VAT1L: variants seen among roughly 807,000 people sequenced by gnomAD.
The protein encoded by VAT1L is vesicle amine transport 1 like.
In VAT1L, 34 loss-of-function variants were observed where a neutral mutation model predicts 44.1. That is an observed-to-expected ratio of 0.77 (90% CI 0.59 to 1.03). The LOEUF is 1.03. VAT1L is among the 50% of genes least tolerant of loss of function. The probability of loss-of-function intolerance (pLI) is 0.00; values close to 1 mark genes in which losing one functional copy is unlikely to be tolerated. For missense variants in VAT1L, 615 were observed against 538.8 expected, an observed-to-expected ratio of 1.14 and a Z score of -1.40; for synonymous variants, 253 against 202.2, an observed-to-expected ratio of 1.25 and a Z score of -2.13.
At chr16:77,858,285 C>A (rs1476720236) in intron 3 of VAT1L, among the ~76,000 whole-genome samples, 3 of 151,942 alleles carry the variant, frequency 2.0e-5, no homozygotes, top group African/African-American at 7.3e-5. Flanking sequence ...GGGAATAGCC[C>A]TGATTGGAAG....
At chr16:77,811,050 T>C (rs1462075188) in intron 1 of VAT1L, among the ~76,000 whole-genome samples, 2 of 152,144 alleles carry the variant, frequency 1.3e-5, no homozygotes, top group Non-Finnish European at 2.9e-5. Flanking sequence ...AAATATAGGA[T>C]GAGGCTCTAT....
chr16:77,927,199 G>T lies in VAT1L; in HGVS notation c.1077+42397G>T, dbSNP rs57263496. Reference sequence around the variant, plus strand: ...TAAAAATACAAAAAATTAGCCAGGTGTGGTGGCGGGCACCTGTAGTCCCAG... The same window carrying T: ...TAAAAATACAAAAAATTAGCCAGGTTTGGTGGCGGGCACCTGTAGTCCCAG... On this transcript the variant is annotated intron_variant, in intron 7 of 8. Transcript: ENST00000302536. Among the ~76,000 whole-genome samples the T allele has an allele frequency of 5.2e-3, 798 of 152,052 alleles. 6 individuals carry two copies. Among genetic ancestry groups the T allele is most frequent in the African/African-American group, 0.018 (766 of 41,418 alleles).
intron 4 of VAT1L, among the ~76,000 whole-genome samples, chr16:77,873,581 G>A (rs2017055270): frequency 1.3e-5 from 2 of 152,160 alleles, no homozygotes; most frequent in Non-Finnish European, 1.5e-5. Flanking sequence ...ATCATAAGCA[G>A]CACAAACATG....
At chr16:77,792,483 G>C (rs1353339410) in intron 1 of VAT1L, among the ~76,000 whole-genome samples, 1 of 152,126 alleles carries the variant, frequency 6.6e-6, no homozygotes, top group Non-Finnish European at 1.5e-5. Flanking sequence ...AAGGAGTTAA[G>C]CAAAGATGTG....
intron 7 of VAT1L, among the ~76,000 whole-genome samples, chr16:77,963,423 A>G (rs2018185722): frequency 6.6e-6 from 1 of 152,118 alleles, no homozygotes; most frequent in South Asian, 2.1e-4. Flanking sequence ...TCAAGGAAAC[A>G]AATTCCTCCC....
intron 4 of VAT1L, among the ~76,000 whole-genome samples, chr16:77,864,724 G>C: frequency 6.6e-6 from 1 of 152,174 alleles, no homozygotes; most frequent in Non-Finnish European, 1.5e-5. Flanking sequence ...TGAAACTTGG[G>C]AAGTTTCTTG....
Position 77,795,813 on chromosome 16 carries a change from CTT to C in VAT1L, c.233+6922_233+6923del, listed in dbSNP as rs56725954. ...CAAGTCGCTTAGCTCCCTTTTTTCT[CTT>C]TTTTTTTTTTTTTTTTTTTTTTTCA... On this transcript the variant is annotated intron_variant, in intron 1 of 8. Transcript: ENST00000302536. Among the ~76,000 whole-genome samples, 49 of 100,574 alleles carry C rather than the reference CTT, an allele frequency of 4.9e-4. 1 individual carries two copies. The highest frequency in any genetic ancestry group is 1.4e-3 in the African/African-American group (38 of 26,586). The allele number at this position is 100,574 out of a possible 152,430, so 66.0% of individuals were successfully genotyped here.
At chr16:77,969,901 A>T (rs1300563054) in intron 7 of VAT1L, among the ~76,000 whole-genome samples, 3 of 151,946 alleles carry the variant, frequency 2.0e-5, no homozygotes, top group Non-Finnish European at 4.4e-5. Flanking sequence ...AAATTTTAAC[A>T]ATCATATGAC....
intron 7 of VAT1L, among the ~76,000 whole-genome samples, chr16:77,959,586 C>T (rs1161244935): frequency 6.6e-6 from 1 of 152,078 alleles, no homozygotes; most frequent in African/African-American, 2.4e-5. Context: ...ATTTTTCCCC[C>T]TTTTTACACG....
chr16:77,848,258 T>C (rs2016775964), intron 3 of VAT1L, among the ~76,000 whole-genome samples: 1 of 152,196 alleles, frequency 6.6e-6, no homozygotes, highest in African/African-American at 2.4e-5. Flanking sequence ...GTGCTCCATT[T>C]CCACCTCATT....
At chr16:77,915,223 C>T (rs894052206) in intron 7 of VAT1L, among the ~76,000 whole-genome samples, 1 of 152,130 alleles carries the variant, frequency 6.6e-6, no homozygotes, top group Non-Finnish European at 1.5e-5. Flanking sequence ...AAAGCATTCT[C>T]TGGAAACAGA....
At chr16:77,810,748 A>G (rs747291249) in intron 1 of VAT1L, among the ~76,000 whole-genome samples, 1 of 152,224 alleles carries the variant, frequency 6.6e-6, no homozygotes, top group Non-Finnish European at 1.5e-5. Flanking sequence ...ATGCAAAGAA[A>G]TAAACATAAC....
chr16:77,881,369 A>G (rs1338929003), intron 6 of VAT1L, among the ~76,000 whole-genome samples: 5 of 152,218 alleles, frequency 3.3e-5, no homozygotes, highest in Non-Finnish European at 7.3e-5. Flanking sequence ...TTATATACTA[A>G]TGAGGGAGAC....
intron 3 of VAT1L, among the ~76,000 whole-genome samples, chr16:77,845,500 T>A (rs1184553772): frequency 6.6e-6 from 1 of 152,214 alleles, no homozygotes; most frequent in Non-Finnish European, 1.5e-5. Flanking sequence ...CTCGTTCATC[T>A]GACTTCCTGA....
intron 7 of VAT1L, among the ~76,000 whole-genome samples, chr16:77,954,258 C>T (rs921442646): frequency 6.6e-6 from 1 of 152,188 alleles, no homozygotes; most frequent in African/African-American, 2.4e-5. Context: ...GTTGTAGTCA[C>T]GGCTATCTGC....
chr16:77,940,286 T>C (rs1366181748), intron 7 of VAT1L, among the ~76,000 whole-genome samples: 1 of 151,776 alleles, frequency 6.6e-6, no homozygotes, highest in Non-Finnish European at 1.5e-5. Flanking sequence ...TTCCTGAAAA[T>C]GTAGCTATTG....
At chr16:77,809,800 A>G (rs1245166649) in intron 1 of VAT1L, among the ~76,000 whole-genome samples, 3 of 152,232 alleles carry the variant, frequency 2.0e-5, no homozygotes, top group Non-Finnish European at 4.4e-5. Flanking sequence ...TGAGAGCTCC[A>G]GATTTGAAGA....
intron 1 of VAT1L, among the ~76,000 whole-genome samples, chr16:77,797,409 C>G (rs1274943506): frequency 6.6e-6 from 1 of 152,202 alleles, no homozygotes; most frequent in East Asian, 1.9e-4. Flanking sequence ...CCGCGCCCAG[C>G]AATTTTTCTT....
intron 3 of VAT1L, among the ~76,000 whole-genome samples, chr16:77,831,277 C>G (rs1459245929): frequency 6.6e-6 from 1 of 152,156 alleles, no homozygotes; most frequent in Non-Finnish European, 1.5e-5. Flanking sequence ...TAGCAGACTA[C>G]TTGACATATA....
Sources: gnomAD v4.1 joint callset for allele counts (sites outside exome capture counted in the v4.1 genomes callset) on GRCh38, gnomAD v4.1.1 for gene constraint, MANE v1.5 for transcripts, NCBI Gene and HGNC (gene_info 2026-07-23, HGNC 2026-07-21) for gene names.